Variants in GRAMD1B observed in about 807,000 individuals in gnomAD.
GRAMD1B encodes the protein protein Aster-B.
A neutral mutation model predicts 99.7 loss-of-function variants in GRAMD1B; 37 were observed. The ratio of observed to expected loss-of-function variants is 0.37; its 90% CI spans 0.29 to 0.49. GRAMD1B has a LOEUF of 0.49. Among genes scored for constraint, GRAMD1B ranks in the 20% least tolerant of loss-of-function variants. GRAMD1B has a pLI of 0.98. For synonymous variants in GRAMD1B, 427 were observed against 387.6 expected, an observed-to-expected ratio of 1.10 and a Z score of -1.19; for missense variants, 888 against 1,009.2, an observed-to-expected ratio of 0.88 and a Z score of 1.63.
chr11:123,613,629 A>T lies in GRAMD1B; in HGVS notation c.2198A>T (p.Asp733Val). The change falls in exon 16 of 20, where the codon GAT becomes GTT. Residue 733 changes from aspartate to valine, a missense_variant. Coordinates refer to ENST00000635736, the MANE Select transcript of GRAMD1B (RefSeq NM_001387025.1). The part of the protein sequence containing the change: ...MSPVTTPTDE[D>V]VGHRIKHVAG... ...CCGGTCACCACGCCCACAGATGAGGATGTGGGCCACAGGATCAAACATGTG... is the reference window on the plus strand; with the variant it reads ...CCGGTCACCACGCCCACAGATGAGGTTGTGGGCCACAGGATCAAACATGTG... The T allele has an allele frequency of 6.2e-7, 1 of 1,613,728 alleles. No individual in the cohort carries two copies. Among genetic ancestry groups the T allele is most frequent in the South Asian group, 1.1e-5 (1 of 91,018 alleles).
intron 17 of GRAMD1B, among the ~76,000 whole-genome samples, chr11:123,615,333 G>A (rs1444825741): frequency 1.3e-5 from 2 of 152,190 alleles, no homozygotes; most frequent in Non-Finnish European, 2.9e-5. Flanking sequence ...TTTTAATGTA[G>A]ACTATTTATA....
rs948693133 is a variant in GRAMD1B at position 123,374,986 on chromosome 11, G to A, written c.-176+16187G>A. Among the ~76,000 whole-genome samples, 5 of 152,024 alleles carry A rather than the reference G, an allele frequency of 3.3e-5. No individual in the cohort carries two copies. The South Asian group carries it at 6.2e-4, about 19-fold the overall frequency. ...GATCTTTACCATCCTTATCATCATC[G>A]TCACTAACAATCTTTTACTTATTTT... On this transcript the variant is annotated intron_variant, in intron 1 of 20. Transcript: ENST00000638157.
chr11:123,476,245 C>T (rs574768814), intron 1 of GRAMD1B, among the ~76,000 whole-genome samples: 4 of 152,078 alleles, frequency 2.6e-5, no homozygotes, highest in Non-Finnish European at 4.4e-5. Context: ...GGATTATAGG[C>T]GTGCACCATC....
At chr11:123,397,531 A>G (rs1385769698) in intron 1 of GRAMD1B, among the ~76,000 whole-genome samples, 1 of 152,190 alleles carries the variant, frequency 6.6e-6, no homozygotes, top group Non-Finnish European at 1.5e-5. Context: ...ATCTTGTTTG[A>G]GACAGGCTCT....
chr11:123,526,385 C>T (rs775978844), intron 2 of GRAMD1B, among the ~76,000 whole-genome samples: 8 of 152,132 alleles, frequency 5.3e-5, no homozygotes, highest in East Asian at 1.9e-4. Context: ...TCTTCGAGGT[C>T]GGGGGTTTTG....
At chr11:123,501,754 G>C (rs1355395945) in intron 2 of GRAMD1B, among the ~76,000 whole-genome samples, 1 of 152,102 alleles carries the variant, frequency 6.6e-6, no homozygotes, top group Non-Finnish European at 1.5e-5. Flanking sequence ...GATGCCTTTC[G>C]GCCAAATAGG....
intron 1 of GRAMD1B, among the ~76,000 whole-genome samples, chr11:123,464,774 T>G (rs1950587384): frequency 6.6e-6 from 1 of 152,172 alleles, no homozygotes; most frequent in Non-Finnish European, 1.5e-5. Flanking sequence ...AAAAGATGTT[T>G]CAAAGGTGGG....
chr11:123,535,055 C>CT (rs1943820830), intron 2 of GRAMD1B, among the ~76,000 whole-genome samples: 5 of 152,072 alleles, frequency 3.3e-5, no homozygotes, highest in African/African-American at 1.2e-4. Context: ...AAAAGTGAGG[C>CT]AGAGGCCTGG....
intron 1 of GRAMD1B, among the ~76,000 whole-genome samples, chr11:123,409,736 G>A (rs1267779949): frequency 1.3e-5 from 2 of 152,138 alleles, no homozygotes; most frequent in East Asian, 3.9e-4. Flanking sequence ...GAAAAATAAA[G>A]AAGGGCTTTA....
intron 2 of GRAMD1B, among the ~76,000 whole-genome samples, chr11:123,546,082 T>A (rs1317177690): frequency 2.0e-5 from 3 of 152,242 alleles, no homozygotes; most frequent in Non-Finnish European, 4.4e-5. Context: ...CTGACCTCTT[T>A]GGATGGAATT....
At chr11:123,391,433 C>T (rs1474938249) in intron 1 of GRAMD1B, among the ~76,000 whole-genome samples, 1 of 152,092 alleles carries the variant, frequency 6.6e-6, no homozygotes, top group Non-Finnish European at 1.5e-5. Flanking sequence ...TCCTTCTTGG[C>T]ATCTTGATTT....
intron 1 of GRAMD1B, among the ~76,000 whole-genome samples, chr11:123,361,829 CAGG>C (rs779002685): frequency 1.3e-4 from 20 of 152,098 alleles, no homozygotes; most frequent in Non-Finnish European, 2.5e-4. Flanking sequence ...CAATAACAGG[CAGG>C]AGGAGTGGCA....
At chr11:123,468,863 G>C in intron 1 of GRAMD1B, among the ~76,000 whole-genome samples, 1 of 151,500 alleles carries the variant, frequency 6.6e-6, no homozygotes, top group Non-Finnish European at 1.5e-5. Flanking sequence ...GGTCACCAAG[G>C]AAGATTTACT....
At chr11:123,433,679 C>CGTGTGT (rs59262021) in intron 1 of GRAMD1B, among the ~76,000 whole-genome samples, 69 of 143,092 alleles carry the variant, frequency 4.8e-4, no homozygotes, top group South Asian at 7.1e-4. Context: ...ATGTTACGTG[C>CGTGTGT]GTGTGTGTGT....
chr11:123,475,223 T>G (rs1202716819), intron 1 of GRAMD1B, among the ~76,000 whole-genome samples: 1 of 152,196 alleles, frequency 6.6e-6, no homozygotes, highest in African/African-American at 2.4e-5. Flanking sequence ...CAGCCCGCAT[T>G]GCAGAGCTTC....
rs111901661 is a variant in GRAMD1B at position 123,526,637 on chromosome 11, G to A, written c.452+45744G>A. Among the ~76,000 whole-genome samples the A allele has an allele frequency of 1.8e-3, 269 of 152,238 alleles. 2 individuals carry two copies. Among genetic ancestry groups the A allele is most frequent in the African/African-American group, 5.9e-3 (245 of 41,550 alleles). On this transcript the variant is annotated intron_variant, in intron 2 of 19. Transcript: ENST00000635736. ...CTTTCTCACGTCAGCTGCTTAGGGC[G>A]GGCAGTCCCTAGGGGCATCCCTCTG...
At chr11:123,500,873 C>T (rs138782706) in intron 2 of GRAMD1B, among the ~76,000 whole-genome samples, 4,258 of 152,162 alleles carry the variant, frequency 0.028, 198 homozygotes, top group African/African-American at 0.096. Flanking sequence ...AAGGTTTCAC[C>T]ATGTTGGCCA....
intron 1 of GRAMD1B, chr11:123,460,118 T>C (rs1486977736): frequency 6.6e-6 from 1 of 152,042 alleles, no homozygotes; most frequent in East Asian, 1.9e-4. Flanking sequence ...AAATGGTTTG[T>C]GGATTAGTCA....
At chr11:123,517,899 TG>T (rs1026138378) in intron 2 of GRAMD1B, among the ~76,000 whole-genome samples, 11 of 152,294 alleles carry the variant, frequency 7.2e-5, no homozygotes, top group African/African-American at 2.4e-4. Flanking sequence ...TGTGGGTGTA[TG>T]GGTGCCCCCT....
Sources: allele counts gnomAD v4.1 joint callset (sites outside exome capture counted in the v4.1 genomes callset), GRCh38; gene constraint gnomAD v4.1.1; transcripts MANE v1.5; gene names NCBI Gene and HGNC (gene_info 2026-07-23, HGNC 2026-07-21).